The following RGS6 variants were observed in gnomAD, a reference collection of about 807,000 sequenced individuals.
RGS6 encodes regulator of G protein signaling 6.
In RGS6, 30 loss-of-function variants were observed where a neutral mutation model predicts 78.5. The ratio of observed to expected loss-of-function variants is 0.38; its 90% confidence interval spans 0.29 to 0.52. RGS6 has a LOEUF of 0.52. Ranked by LOEUF, RGS6 falls within the 20% of genes least tolerant of loss-of-function variation. The pLI is 0.85. For missense variants in RGS6, 495 were observed against 609.7 expected, an observed-to-expected ratio of 0.81 and a Z score of 1.98; for synonymous variants, 206 against 206.0, an observed-to-expected ratio of 1.00 and a Z score of 0.00.
the RGS6 span, among the ~76,000 whole-genome samples, chr14:71,900,176 A>G: frequency 6.6e-6 from 1 of 152,200 alleles, no homozygotes; most frequent in Non-Finnish European, 1.5e-5. Context: ...TTTAAAAGAG[A>G]GTCAGATATG....
At chr14:71,967,904 CTCT>C (rs1309094531) in intron 2 of RGS6, among the ~76,000 whole-genome samples, 1 of 152,188 alleles carries the variant, frequency 6.6e-6, no homozygotes, top group Non-Finnish European at 1.5e-5. Flanking sequence ...TTTCAGAACA[CTCT>C]TCATTTCCTT....
intron 3 of RGS6, among the ~76,000 whole-genome samples, chr14:72,411,778 C>G (rs913364575): frequency 4.6e-5 from 7 of 151,988 alleles, no homozygotes; most frequent in Non-Finnish European, 8.8e-5. Flanking sequence ...TAGCATGAAG[C>G]GTTGTTGAAT....
chr14:72,596,967 G>C, the RGS6 span, among the ~76,000 whole-genome samples: 2 of 152,150 alleles, frequency 1.3e-5, no homozygotes, highest in African/African-American at 4.8e-5. Flanking sequence ...GGCCAGGCAC[G>C]GTGGCTCACG....
At chr14:72,461,320 T>C (rs911968967) in intron 6 of RGS6, among the ~76,000 whole-genome samples, 1 of 152,174 alleles carries the variant, frequency 6.6e-6, no homozygotes, top group Non-Finnish European at 1.5e-5. Flanking sequence ...AATATTTACT[T>C]CCGTAAAGCT....
the RGS6 span, among the ~76,000 whole-genome samples, chr14:72,617,652 T>C: frequency 6.6e-6 from 1 of 152,150 alleles, no homozygotes; most frequent in Non-Finnish European, 1.5e-5. Flanking sequence ...CCCACACTGC[T>C]TGGTTTCATG....
At chr14:72,203,821 CTTTTTTTT>C (rs142494669) in intron 2 of RGS6, among the ~76,000 whole-genome samples, 39 of 106,740 alleles carry the variant, frequency 3.7e-4, no homozygotes, top group Admixed American at 7.8e-4. Context: ...TTCTTTCTTT[CTTTTTTTT>C]TTTTTTTTTT....
chr14:72,624,502 C>A, the RGS6 span, among the ~76,000 whole-genome samples: 1 of 152,164 alleles, frequency 6.6e-6, no homozygotes, highest in East Asian at 1.9e-4. Context: ...CCATGCCTGG[C>A]TAATTTTTGT....
the RGS6 span, among the ~76,000 whole-genome samples, chr14:71,875,630 G>A: frequency 6.6e-6 from 1 of 152,042 alleles, no homozygotes. Context: ...AGGGTTTTTT[G>A]TGTCTCTATC....
chr14:72,356,427 T>C (rs896019508), intron 3 of RGS6, among the ~76,000 whole-genome samples: 2 of 152,196 alleles, frequency 1.3e-5, no homozygotes, highest in Admixed American at 6.5e-5. Context: ...GTGAGTCAAT[T>C]AAGCTTCTTT....
chr14:72,568,343 GTTAGCTGGAGCCATGTCTGAGA>G (rs1222951118), downstream of RGS6, among the ~76,000 whole-genome samples: 7 of 152,238 alleles, frequency 4.6e-5, no homozygotes, highest in African/African-American at 1.7e-4. Flanking sequence ...GGGTGCTGGT[GTTAGCTGGAGCCATGTCTGAGA>G]TAGGCATTGA....
chr14:72,019,541 A>G (rs961872492), intron 2 of RGS6, among the ~76,000 whole-genome samples: 3 of 152,204 alleles, frequency 2.0e-5, no homozygotes, highest in African/African-American at 7.2e-5. Flanking sequence ...AATTAATAGG[A>G]ACCCGTTGTT....
chr14:72,217,874 T>G (rs1433131824), intron 2 of RGS6, among the ~76,000 whole-genome samples: 3 of 152,236 alleles, frequency 2.0e-5, no homozygotes, highest in Non-Finnish European at 4.4e-5. Context: ...TAAAAATGTA[T>G]GTACATCTAT....
chr14:72,497,821 C>G (rs2096665088), intron 13 of RGS6, among the ~76,000 whole-genome samples: 1 of 151,264 alleles, frequency 6.6e-6, no homozygotes. Flanking sequence ...TTCTTTAACT[C>G]AGGATTTTTT....
intron 2 of RGS6, among the ~76,000 whole-genome samples, chr14:72,037,492 C>T (rs1304243735): frequency 1.3e-5 from 2 of 152,190 alleles, no homozygotes; most frequent in Non-Finnish European, 2.9e-5. Context: ...AGAGCTGTAA[C>T]ACTCACCACG....
chr14:72,542,430 A>T (rs950654577), intron 17 of RGS6, among the ~76,000 whole-genome samples: 4 of 152,238 alleles, frequency 2.6e-5, no homozygotes, highest in African/African-American at 9.6e-5. Context: ...TCATATGCCT[A>T]AAGTATTTGA....
At chr14:72,427,085 G>T (rs1229949997) in intron 3 of RGS6, among the ~76,000 whole-genome samples, 1 of 152,312 alleles carries the variant, frequency 6.6e-6, no homozygotes, top group African/African-American at 2.4e-5. Context: ...TAATTTGCTG[G>T]CCATGTGAGT....
chr14:72,437,967 G>C (rs963075221), intron 3 of RGS6, among the ~76,000 whole-genome samples: 19 of 152,208 alleles, frequency 1.2e-4, no homozygotes. Context: ...ATTTTTAGCT[G>C]TCTATCTGAC....
At chr14:72,220,088 A>G (rs1035860758) in intron 2 of RGS6, among the ~76,000 whole-genome samples, 1 of 152,202 alleles carries the variant, frequency 6.6e-6, no homozygotes, top group African/African-American at 2.4e-5. Flanking sequence ...CTATATAACA[A>G]CATTCAAGCT....
the RGS6 span, among the ~76,000 whole-genome samples, chr14:72,601,098 T>C: frequency 6.7e-6 from 1 of 149,210 alleles, no homozygotes; most frequent in African/African-American, 2.5e-5. Context: ...GGAAAGGGAA[T>C]AGGTCCCTCA....
Sources: gnomAD v4.1 joint callset for allele counts (sites outside exome capture counted in the v4.1 genomes callset) on GRCh38, gnomAD v4.1.1 for gene constraint, MANE v1.5 for transcripts, NCBI Gene and HGNC (gene_info 2026-07-23, HGNC 2026-07-21) for gene names.